The following CNTN5 variants were observed in gnomAD, a reference collection of about 807,000 sequenced individuals.
The protein encoded by CNTN5 is contactin 5.
Under a neutral mutation model 129.1 loss-of-function variants are expected in CNTN5, and 77 were observed. The observed-to-expected ratio is 0.60, with a 90% CI of 0.50 to 0.72. The LOEUF is 0.72. Among genes scored for constraint, CNTN5 ranks in the 30% least tolerant of loss-of-function variants. The probability of loss-of-function intolerance (pLI) is 0.00; values close to 1 mark genes in which losing one functional copy is unlikely to be tolerated. For missense variants in CNTN5, 1,478 were observed against 1,328.8 expected, an observed-to-expected ratio of 1.11 and a Z score of -1.75; for synonymous variants, 509 against 465.6, an observed-to-expected ratio of 1.09 and a Z score of -1.20.
chr11:99,462,416 A>G (rs1944748832), intron 2 of CNTN5, among the ~76,000 whole-genome samples: 1 of 132,218 alleles, frequency 7.6e-6, no homozygotes. Context: ...AAAAATTTCT[A>G]GAGAGACTTC....
At chr11:99,759,471 C>T (rs556333810) in intron 3 of CNTN5, among the ~76,000 whole-genome samples, 21 of 152,000 alleles carry the variant, frequency 1.4e-4, no homozygotes, top group South Asian at 4.1e-4. Flanking sequence ...AAACTGAAGC[C>T]TACAGCACAG....
intron 1 of CNTN5, among the ~76,000 whole-genome samples, chr11:99,115,728 C>G (rs1858015405): frequency 6.6e-6 from 1 of 152,096 alleles, no homozygotes; most frequent in Non-Finnish European, 1.5e-5. Context: ...CCATTGCACT[C>G]CAGCCTGGGC....
intron 1 of CNTN5, among the ~76,000 whole-genome samples, chr11:99,164,801 G>C (rs1427431586): frequency 1.3e-5 from 2 of 152,152 alleles, no homozygotes; most frequent in Non-Finnish European, 2.9e-5. Flanking sequence ...GTGTGTGCAT[G>C]TGTGTGTGAA....
intron 6 of CNTN5, among the ~76,000 whole-genome samples, chr11:99,894,583 A>C (rs1471681628): frequency 6.6e-6 from 1 of 151,678 alleles, no homozygotes; most frequent in African/African-American, 2.4e-5. Flanking sequence ...AAGCAAAACA[A>C]ACAAACAAAA....
At chr11:99,529,583 G>A (rs976011135) in intron 2 of CNTN5, among the ~76,000 whole-genome samples, 9 of 152,168 alleles carry the variant, frequency 5.9e-5, no homozygotes, top group African/African-American at 1.9e-4. Context: ...TTGGGATTGA[G>A]TCTTTGGGGA....
chr11:100,283,401 G>A (rs553385560), intron 18 of CNTN5, among the ~76,000 whole-genome samples: 4 of 152,188 alleles, frequency 2.6e-5, no homozygotes, highest in South Asian at 4.2e-4. Flanking sequence ...ACTTAGGAAA[G>A]GGGTGGCATC....
At chr11:99,975,934 T>C (rs184506731) in intron 8 of CNTN5, among the ~76,000 whole-genome samples, 3 of 152,246 alleles carry the variant, frequency 2.0e-5, no homozygotes, top group Admixed American at 2.0e-4. Flanking sequence ...ATCCAAAGTC[T>C]CATCTGAGAC....
intron 8 of CNTN5, among the ~76,000 whole-genome samples, chr11:99,958,799 T>C (rs532617040): frequency 1.3e-5 from 2 of 152,214 alleles, no homozygotes; most frequent in Non-Finnish European, 2.9e-5. Context: ...ATTATAACTT[T>C]TTTGGCTAAC....
chr11:99,252,575 C>T lies in CNTN5; in HGVS notation c.-209-72771C>T, dbSNP rs77197941. ...ACTTCAATTAGGAGTGTATAAACAT[C>T]CCCCTAGACCTATCATCTCACAAAC... On this transcript the variant is annotated intron_variant, in intron 1 of 24. Coordinates refer to ENST00000524871, the MANE Select transcript of CNTN5 (RefSeq NM_014361.4). 7.0e-3 allele frequency among the ~76,000 whole-genome samples: 1,056 copies of T among 151,418 alleles called. 9 individuals are homozygous for T. The highest frequency in any genetic ancestry group is 0.023 in the African/African-American group (969 of 41,300).
chr11:100,241,966 A>G (rs1463087512), intron 16 of CNTN5, among the ~76,000 whole-genome samples: 1 of 152,220 alleles, frequency 6.6e-6, no homozygotes, highest in East Asian at 1.9e-4. Context: ...ACAGCCTTTG[A>G]GAGCTTTCAT....
intron 1 of CNTN5, among the ~76,000 whole-genome samples, chr11:99,259,424 C>G (rs1862528594): frequency 6.6e-6 from 1 of 151,806 alleles, no homozygotes; most frequent in Admixed American, 6.6e-5. Context: ...ATACTAAATA[C>G]AATTTACTTG....
chr11:99,163,165 C>G (rs1169529237), intron 1 of CNTN5, among the ~76,000 whole-genome samples: 1 of 152,060 alleles, frequency 6.6e-6, no homozygotes, highest in Non-Finnish European at 1.5e-5. Flanking sequence ...ATAAATAACT[C>G]AAAATTATTC....
intron 6 of CNTN5, among the ~76,000 whole-genome samples, chr11:99,869,046 C>T (rs1948431356): frequency 6.6e-6 from 1 of 152,120 alleles, no homozygotes. Context: ...TCTGATTCAG[C>T]CCCACTTATT....
At chr11:100,181,037 A>G (rs557199121) in intron 13 of CNTN5, among the ~76,000 whole-genome samples, 1 of 152,152 alleles carries the variant, frequency 6.6e-6, no homozygotes, top group South Asian at 2.1e-4. Context: ...TATGACACAG[A>G]TATTATACTC....
intron 2 of CNTN5, among the ~76,000 whole-genome samples, chr11:99,550,128 C>A (rs528932551): frequency 6.6e-6 from 1 of 152,204 alleles, no homozygotes; most frequent in South Asian, 2.1e-4. Flanking sequence ...AAAAAGAATG[C>A]CTCCAAAACA....
intron 1 of CNTN5, among the ~76,000 whole-genome samples, chr11:99,244,067 T>A (rs1861701197): frequency 6.6e-6 from 1 of 152,162 alleles, no homozygotes; most frequent in South Asian, 2.1e-4. Flanking sequence ...TATGGCCATT[T>A]TAATGATATT....
intron 2 of CNTN5, among the ~76,000 whole-genome samples, chr11:99,499,329 G>C (rs1172737387): frequency 6.6e-6 from 1 of 152,116 alleles, no homozygotes; most frequent in Non-Finnish European, 1.5e-5. Context: ...GGATTTAGGA[G>C]GTTATAAGGC....
At chr11:99,629,533 G>A (rs543378795) in intron 3 of CNTN5, among the ~76,000 whole-genome samples, 2 of 151,962 alleles carry the variant, frequency 1.3e-5, no homozygotes, top group South Asian at 4.1e-4. Context: ...ATAAGTATTA[G>A]CATATTAAGG....
chr11:99,738,615 A>AAGTGTGTGTGTGTGTGTGTG (rs201365714), intron 3 of CNTN5, among the ~76,000 whole-genome samples: 11 of 113,654 alleles, frequency 9.7e-5, no homozygotes, highest in African/African-American at 3.5e-4. Context: ...TAAGACAGTA[A>AAGTGTGTGTGTGTGTGTGTG]CGTGTGTGTG....
Sources: gnomAD v4.1 joint callset for allele counts (sites outside exome capture counted in the v4.1 genomes callset) on GRCh38, gnomAD v4.1.1 for gene constraint, MANE v1.5 for transcripts, NCBI Gene and HGNC (gene_info 2026-07-23, HGNC 2026-07-21) for gene names.